Variants in SRGAP1 observed in about 807,000 individuals in gnomAD.
The protein encoded by SRGAP1 is SLIT-ROBO Rho GTPase-activating protein 1.
A neutral mutation model predicts 121.9 loss-of-function variants in SRGAP1; 43 were observed. That is an observed-to-expected ratio of 0.35 (90% CI 0.28 to 0.46). SRGAP1 has a LOEUF of 0.46. Ranked by LOEUF, SRGAP1 falls within the 20% of genes least tolerant of loss-of-function variation. SRGAP1 has a pLI of 1.00. For synonymous variants in SRGAP1, 447 were observed against 485.4 expected (o/e 0.92, Z 1.04); for missense variants, 1,102 against 1,350.9 (o/e 0.82, Z 2.89).
rs137935250 is a variant in SRGAP1 at position 64,007,614 on chromosome 12, A to T, written c.427-9336A>T. ...GGGAATATTTAGTACAGAGAAAATA[A>T]GTCTCAGCTAGGACTCAATATTTGA... On this transcript the variant is annotated intron_variant, in intron 3 of 21. Transcript: ENST00000355086. Among the ~76,000 whole-genome samples the T allele has an allele frequency of 1.9e-3, 293 of 152,290 alleles. 2 individuals are homozygous for T. Among genetic ancestry groups the T allele is most frequent in the African/African-American group, 6.5e-3 (271 of 41,532 alleles).
At chr12:64,054,681 A>G (rs900910556) in intron 6 of SRGAP1, among the ~76,000 whole-genome samples, 1 of 152,148 alleles carries the variant, frequency 6.6e-6, no homozygotes, top group East Asian at 1.9e-4. Context: ...AAAAACTGAA[A>G]TGAGTTGGAT....
chr12:64,084,045 A>G (rs2035895890), intron 10 of SRGAP1, among the ~76,000 whole-genome samples: 1 of 152,220 alleles, frequency 6.6e-6, no homozygotes, highest in South Asian at 2.1e-4. Context: ...AAGTAATGCC[A>G]GGAGTTCTCA....
chr12:63,940,127 AATTTTTGT>A (rs1050725697), intron 1 of SRGAP1, among the ~76,000 whole-genome samples: 31 of 151,788 alleles, frequency 2.0e-4, no homozygotes, highest in African/African-American at 7.2e-4. Context: ...ATGCCTGGCT[AATTTTTGT>A]ATTTTTAGTA....
Position 64,147,246 on chromosome 12 carries a change from A to G in SRGAP1, c.*4574A>G, listed in dbSNP as rs376185208. On this transcript the variant is annotated 3_prime_UTR_variant, in exon 22 of 22. Coordinates refer to ENST00000355086, the MANE Select transcript of SRGAP1 (RefSeq NM_020762.4). ...CGGTACCGGTAGCTTCCTGCTTGTG[A>G]CTGTTACCTAATTGTGTCAATGTAC... 24 of 373,500 alleles carry G rather than the reference A, an allele frequency of 6.4e-5. No homozygotes were observed. Among genetic ancestry groups the G allele is most frequent in the African/African-American group, 4.8e-4 (23 of 48,188 alleles). 23.1% of individuals were successfully genotyped at this position (373,500 alleles called of 1,614,324 possible).
At chr12:63,906,458 G>C (rs1013736000) in intron 1 of SRGAP1, among the ~76,000 whole-genome samples, 2 of 151,968 alleles carry the variant, frequency 1.3e-5, no homozygotes, top group African/African-American at 4.8e-5. Context: ...GGGACTACAG[G>C]CGCTGCCACC....
rs192929959 is a variant in SRGAP1 at position 63,857,441 on chromosome 12, G to T, written c.67+12558G>T. 7.8e-4 allele frequency among the ~76,000 whole-genome samples: 119 copies of T among 151,654 alleles called. 1 individual carries two copies. The highest frequency in any genetic ancestry group is 1.5e-3 in the Non-Finnish European group (99 of 67,954). ...CTGTCACCCAGGCTGGAGTGCAGTG[G>T]CATGGTCTCGGCTCACTGCAACCTC... On this transcript the variant is annotated intron_variant, in intron 1 of 21. Coordinates refer to ENST00000355086, the MANE Select transcript of SRGAP1 (RefSeq NM_020762.4).
chr12:63,941,034 G>T (rs565034099), intron 1 of SRGAP1, among the ~76,000 whole-genome samples: 1 of 152,126 alleles, frequency 6.6e-6, no homozygotes, highest in African/African-American at 2.4e-5. Flanking sequence ...AATGGCTTCT[G>T]AATGGAAGTG....
intron 1 of SRGAP1, among the ~76,000 whole-genome samples, chr12:63,892,662 T>C (rs1176172772): frequency 1.3e-5 from 2 of 152,194 alleles, no homozygotes; most frequent in African/African-American, 4.8e-5. Context: ...TCTTTAAAGC[T>C]ATAGCTTACT....
At chr12:63,934,716 T>C (rs2136342758) in intron 1 of SRGAP1, among the ~76,000 whole-genome samples, 2 of 152,216 alleles carry the variant, frequency 1.3e-5, no homozygotes, top group South Asian at 4.2e-4. Flanking sequence ...ACCTCAAAGA[T>C]ACTAACTGCA....
intron 1 of SRGAP1, among the ~76,000 whole-genome samples, chr12:63,964,547 C>T (rs946164000): frequency 1.3e-5 from 2 of 152,080 alleles, no homozygotes; most frequent in African/African-American, 4.8e-5. Context: ...TTGACCCTTT[C>T]CAGTAGCCTG....
intron 1 of SRGAP1, among the ~76,000 whole-genome samples, chr12:63,942,355 C>T (rs927368302): frequency 2.6e-5 from 4 of 152,130 alleles, no homozygotes; most frequent in African/African-American, 9.7e-5. Flanking sequence ...ATGACATATA[C>T]AATATGTCTA....
At chr12:64,121,177 C>G (rs1046888192) in intron 18 of SRGAP1, among the ~76,000 whole-genome samples, 2 of 151,624 alleles carry the variant, frequency 1.3e-5, no homozygotes, top group African/African-American at 4.8e-5. Context: ...CCATGCCTGG[C>G]TAATTTTGTA....
chr12:63,858,509 G>A (rs962295815), intron 1 of SRGAP1, among the ~76,000 whole-genome samples: 3 of 151,842 alleles, frequency 2.0e-5, no homozygotes, highest in African/African-American at 4.8e-5. Context: ...GCCTCACAGC[G>A]TGAGTGAGGC....
intron 21 of SRGAP1, among the ~76,000 whole-genome samples, chr12:64,138,667 T>A (rs1307201212): frequency 6.6e-6 from 1 of 151,598 alleles, no homozygotes; most frequent in Admixed American, 6.6e-5. Flanking sequence ...TATATATAAA[T>A]CTCTAAATAG....
At chr12:64,084,561 C>G (rs901428661) in intron 10 of SRGAP1, among the ~76,000 whole-genome samples, 3 of 150,712 alleles carry the variant, frequency 2.0e-5, no homozygotes, top group Non-Finnish European at 4.4e-5. Flanking sequence ...GCTGAAAAAA[C>G]GATGGATGTG....
intron 16 of SRGAP1, among the ~76,000 whole-genome samples, chr12:64,110,017 T>G (rs1178973208): frequency 6.6e-6 from 1 of 152,178 alleles, no homozygotes; most frequent in African/African-American, 2.4e-5. Flanking sequence ...CAAACGACAG[T>G]AGCAACCCCT....
At chr12:64,139,203 A>G in intron 21 of SRGAP1, among the ~76,000 whole-genome samples, 1 of 152,214 alleles carries the variant, frequency 6.6e-6, no homozygotes. Flanking sequence ...TTGTGACATT[A>G]AAAACCACAC....
At chr12:64,057,166 C>T (rs536898564) in intron 6 of SRGAP1, among the ~76,000 whole-genome samples, 6 of 149,294 alleles carry the variant, frequency 4.0e-5, no homozygotes, top group South Asian at 2.1e-4. Flanking sequence ...GCAACTCACT[C>T]CTCCTATTTG....
At chr12:64,031,970 C>A (rs1411395314) in intron 4 of SRGAP1, among the ~76,000 whole-genome samples, 1 of 152,102 alleles carries the variant, frequency 6.6e-6, no homozygotes, top group South Asian at 2.1e-4. Context: ...TGTTCATAGA[C>A]CTTTCCATTA....
Sources: gnomAD v4.1 joint callset for allele counts (sites outside exome capture counted in the v4.1 genomes callset) on GRCh38, gnomAD v4.1.1 for gene constraint, MANE v1.5 for transcripts, NCBI Gene and HGNC (gene_info 2026-07-23, HGNC 2026-07-21) for gene names.